The following LRRC28 variants were observed in gnomAD, a reference collection of about 807,000 sequenced individuals.
The protein encoded by LRRC28 is leucine-rich repeat-containing protein 28.
LRRC28 carries 39 observed loss-of-function variants against 45.7 expected under a neutral mutation model. That is an observed-to-expected ratio of 0.85 (90% CI 0.66 to 1.12). The LOEUF (loss-of-function observed/expected upper bound fraction) is 1.12. Among genes scored for constraint, LRRC28 ranks in the 50% most tolerant of loss-of-function variants. The probability of loss-of-function intolerance (pLI) is 0.00; values close to 1 mark genes in which losing one functional copy is unlikely to be tolerated. For missense variants in LRRC28, 435 were observed against 438.5 expected, an observed-to-expected ratio of 0.99 and a Z score of 0.07; for synonymous variants, 206 against 178.8, an observed-to-expected ratio of 1.15 and a Z score of -1.22.
intron 5 of LRRC28, among the ~76,000 whole-genome samples, chr15:99,325,757 C>T (rs74033465): frequency 0.027 from 4,143 of 152,192 alleles, 197 homozygotes; most frequent in African/African-American, 0.095. Context: ...TAGCATCAGA[C>T]CCACTTGTGG....
At chr15:99,258,827 A>T in intron 2 of LRRC28, 1 of 699,808 alleles carries the variant, frequency 1.4e-6, no homozygotes, top group Non-Finnish European at 2.7e-6. Flanking sequence ...TGGATCTAAA[A>T]AGAGCGATTA....
intron 2 of LRRC28, 100 bp downstream of exon 2, chr15:99,256,225 C>A (rs1029387686): frequency 1.7e-5 from 15 of 872,382 alleles, no homozygotes; most frequent in Non-Finnish European, 2.2e-5. Flanking sequence ...GACTTATATC[C>A]CCTGTTGTTA....
intron 5 of LRRC28, among the ~76,000 whole-genome samples, chr15:99,318,856 C>G (rs1955691818): frequency 6.6e-6 from 1 of 151,722 alleles, no homozygotes; most frequent in Admixed American, 6.6e-5. Context: ...CCAGTGGTTT[C>G]CAAATGTTCT....
chr15:99,361,614 G>T (rs1189073829), intron 8 of LRRC28, 103 bp downstream of exon 8: 1 of 1,159,014 alleles, frequency 8.6e-7, no homozygotes, highest in East Asian at 2.4e-5. Flanking sequence ...AATTATTGTG[G>T]TAAAATACAC....
Position 99,317,192 on chromosome 15 carries a change from C to T in LRRC28, c.386-16731C>T, listed in dbSNP as rs184485350. Among the ~76,000 whole-genome samples, 5 of 152,038 alleles carry T rather than the reference C, an allele frequency of 3.3e-5. No individual in the cohort carries two copies. The East Asian group carries it at 9.6e-4, about 29-fold the overall frequency. Reference sequence around the variant, plus strand: ...CCAAAATAATTCCTTTTTATTTTTCCTGTATAAAAGGAAAAAATATTAGAG... The same window carrying T: ...CCAAAATAATTCCTTTTTATTTTTCTTGTATAAAAGGAAAAAATATTAGAG... On this transcript the variant is annotated intron_variant, in intron 5 of 9. Transcript: ENST00000301981.
At chr15:99,275,121 T>G (rs774174177) in intron 2 of LRRC28, among the ~76,000 whole-genome samples, 12 of 152,240 alleles carry the variant, frequency 7.9e-5, no homozygotes, top group Non-Finnish European at 1.5e-4. Context: ...AGAGATATTA[T>G]ATGTATATAT....
At chr15:99,385,714 A>G (rs986314138) in intron 9 of LRRC28, among the ~76,000 whole-genome samples, 3 of 150,656 alleles carry the variant, frequency 2.0e-5, no homozygotes, top group African/African-American at 7.3e-5. Flanking sequence ...TCTAGAAAGC[A>G]GAGTTCGAAA....
chr15:99,328,078 T>C (rs1284301687), intron 5 of LRRC28, among the ~76,000 whole-genome samples: 2 of 152,208 alleles, frequency 1.3e-5, no homozygotes, highest in African/African-American at 2.4e-5. Flanking sequence ...GAACATACTT[T>C]GTATGATTTA....
At chr15:99,306,203 G>A (rs1461794580) in intron 5 of LRRC28, among the ~76,000 whole-genome samples, 3 of 152,168 alleles carry the variant, frequency 2.0e-5, no homozygotes. Context: ...CCCAGACATT[G>A]CCCACTCGGT....
chr15:99,379,995 T>C (rs958542738), intron 9 of LRRC28, among the ~76,000 whole-genome samples: 1 of 152,254 alleles, frequency 6.6e-6, no homozygotes, highest in African/African-American at 2.4e-5. Flanking sequence ...TGTGATGTGG[T>C]GCTGAGAAGA....
At position 99,389,552 on chromosome 15, in the gene LRRC28, GA is replaced by G. The variant is rs1402559421; in HGVS notation, c.*3451del. ...ATTTATGAACATGGATTTCTAACTG[GA>G]CCAACACTAATGTTGCAACCTGATA... is the stretch of plus-strand genomic sequence containing the variant. On this transcript the variant is annotated 3_prime_UTR_variant, in exon 10 of 10. Coordinates refer to ENST00000301981, the MANE Select transcript of LRRC28 (RefSeq NM_144598.5). 4 of 151,992 alleles carry G rather than the reference GA, an allele frequency of 2.6e-5. No homozygotes were observed. Among genetic ancestry groups the G allele is most frequent in the African/African-American group, 9.7e-5 (4 of 41,362 alleles). The allele number at this position is 151,992 out of a possible 1,614,324, so 9.4% of individuals were successfully genotyped here.
At position 99,363,575 on chromosome 15, in the gene LRRC28, G is replaced by GA. The variant is rs1001023471; in HGVS notation, c.1031+319dup. Among the ~76,000 whole-genome samples, 38 of 151,508 alleles carry GA rather than the reference G, an allele frequency of 2.5e-4. No individual in the cohort carries two copies. In the East Asian group the frequency reaches 5.4e-3, roughly 22 times the overall value. On this transcript the variant is annotated intron_variant, in intron 9 of 9. Coordinates refer to ENST00000301981, the MANE Select transcript of LRRC28 (RefSeq NM_144598.5). ...AGCCTTTAGGCAATAAGGGATGCAA[G>GA]AAAAAAAAATGTGTTACATAACGGG...
rs758820184 is a variant in LRRC28, at chr15:99,390,253, G to A, written c.*4151G>A. 5.9e-5 allele frequency: 9 copies of A among 152,334 alleles called. No homozygotes were observed. The South Asian group carries it at 1.0e-3, about 18-fold the overall frequency. 9.4% of individuals were successfully genotyped at this position (152,334 alleles called of 1,614,324 possible). On this transcript the variant is annotated 3_prime_UTR_variant, in exon 10 of 10. Coordinates refer to ENST00000301981, the MANE Select transcript of LRRC28 (RefSeq NM_144598.5). ...ATAGCCAAGTGACTGACATTCTCTC[G>A]GTCAGGAAAAGAGCTTGCTTCACAG...
chr15:99,363,319 T>TG, intron 9 of LRRC28, 54 bp downstream of exon 9: 7 of 1,594,108 alleles, frequency 4.4e-6, no homozygotes, highest in Non-Finnish European at 8.6e-7. Flanking sequence ...GGGTGGCAGG[T>TG]GGGGAGGGGA....
chr15:99,275,811 C>T (rs2081602652), intron 2 of LRRC28, among the ~76,000 whole-genome samples: 1 of 152,104 alleles, frequency 6.6e-6, no homozygotes, highest in Admixed American at 6.5e-5. Flanking sequence ...TTATTTCTTC[C>T]ATGACCATGG....
chr15:99,272,527 T>C (rs1597197268), intron 2 of LRRC28, among the ~76,000 whole-genome samples: 1 of 152,234 alleles, frequency 6.6e-6, no homozygotes, highest in African/African-American at 2.4e-5. Context: ...TTGCAAAATA[T>C]TTGACGTATT....
chr15:99,309,565 C>G (rs574633531), intron 5 of LRRC28, among the ~76,000 whole-genome samples: 1 of 152,218 alleles, frequency 6.6e-6, no homozygotes, highest in African/African-American at 2.4e-5. Context: ...CGCGCCACCA[C>G]GCCTGGCTAA....
intron 2 of LRRC28, among the ~76,000 whole-genome samples, chr15:99,261,378 A>G (rs2152128830): frequency 6.6e-6 from 1 of 152,286 alleles, no homozygotes; most frequent in African/African-American, 2.4e-5. Context: ...AACACCATAA[A>G]ATCAGTGGCT....
In LRRC28 at chr15:99,386,329, TGA is replaced by T; in HGVS notation, c.*229_*230del. 2 of 478,730 alleles carry T rather than the reference TGA, an allele frequency of 4.2e-6. No homozygotes were observed. The highest frequency in any genetic ancestry group is 7.4e-6 in the Non-Finnish European group (2 of 269,044). 29.7% of individuals were successfully genotyped at this position (478,730 alleles called of 1,614,324 possible). A position where few individuals can be genotyped will look rare whatever the true frequency, so the allele number is the denominator to read the frequency against. ...GTCTTCTGTGTTTTTCCTTTTTATG[TGA>T]GTGTGTCTTTTACAGAAACCATTTA... On this transcript the variant is annotated 3_prime_UTR_variant, in exon 10 of 10. Coordinates refer to ENST00000301981, the MANE Select transcript of LRRC28 (RefSeq NM_144598.5).
Sources: allele counts gnomAD v4.1 joint callset (sites outside exome capture counted in the v4.1 genomes callset), GRCh38; gene constraint gnomAD v4.1.1; transcripts MANE v1.5; gene names NCBI Gene and HGNC (gene_info 2026-07-23, HGNC 2026-07-21).